The following CLVS1 variants were observed in gnomAD, a reference collection of about 807,000 sequenced individuals.
The protein encoded by CLVS1 is clavesin-1.
In CLVS1, 10 loss-of-function variants were observed where a neutral mutation model predicts 33.1. The ratio of observed to expected loss-of-function variants is 0.30; its 90% CI spans 0.19 to 0.51. The LOEUF (loss-of-function observed/expected upper bound fraction) is 0.51, where lower values mean the gene tolerates loss of function less well. Among genes scored for constraint, CLVS1 ranks in the 20% least tolerant of loss-of-function variants. The pLI, the probability that CLVS1 is intolerant of heterozygous loss-of-function variation, is 0.97. For synonymous variants in CLVS1, 163 were observed against 166.1 expected (o/e 0.98, Z 0.14); for missense variants, 343 against 433.4 (o/e 0.79, Z 1.85).
chr8:61,036,146 A>G, the CLVS1 span, among the ~76,000 whole-genome samples: 1 of 152,240 alleles, frequency 6.6e-6, no homozygotes, highest in Non-Finnish European at 1.5e-5. Context: ...CTTTAAATGT[A>G]AAGGAGACAG....
At chr8:61,270,074 G>A (rs1157741741) in intron 2 of CLVS1, among the ~76,000 whole-genome samples, 1 of 152,124 alleles carries the variant, frequency 6.6e-6, no homozygotes, top group Non-Finnish European at 1.5e-5. Context: ...GTGAGAGAGG[G>A]CATCCCTCTC....
chr8:61,295,821 TA>T (rs1171899370), intron 1 of CLVS1, among the ~76,000 whole-genome samples: 3 of 152,092 alleles, frequency 2.0e-5, no homozygotes, highest in Non-Finnish European at 4.4e-5. Flanking sequence ...AGGACAATAA[TA>T]TACTCATTTC....
chr8:61,033,436 TC>T, the CLVS1 span, among the ~76,000 whole-genome samples: 8 of 144,504 alleles, frequency 5.5e-5, no homozygotes, highest in South Asian at 4.5e-4. Flanking sequence ...TCCGCTGTCA[TC>T]CCATTATCCA....
At chr8:61,167,664 A>G (rs1397647075) in intron 2 of CLVS1, among the ~76,000 whole-genome samples, 1 of 152,186 alleles carries the variant, frequency 6.6e-6, no homozygotes, top group Non-Finnish European at 1.5e-5. Flanking sequence ...GCAATCCCAG[A>G]TGGTTAAGGT....
At chr8:61,224,198 T>G (rs1467763853) in intron 2 of CLVS1, among the ~76,000 whole-genome samples, 1 of 152,128 alleles carries the variant, frequency 6.6e-6, no homozygotes, top group African/African-American at 2.4e-5. Context: ...TCCGTCCAGT[T>G]CTGCCCCCTT....
chr8:61,483,162 T>C (rs1398054115), intron 5 of CLVS1, among the ~76,000 whole-genome samples: 3 of 152,158 alleles, frequency 2.0e-5, no homozygotes, highest in Non-Finnish European at 4.4e-5. Flanking sequence ...AGCTGGTTTT[T>C]TGAAAAGATC....
At chr8:61,412,602 G>A (rs10104196) in intron 3 of CLVS1, among the ~76,000 whole-genome samples, 4,746 of 152,318 alleles carry the variant, frequency 0.031, 127 homozygotes, top group African/African-American at 0.068. Flanking sequence ...CAGGTATGCT[G>A]GCAGTGCATC....
chr8:61,128,685 C>T (rs543949446), intron 1 of CLVS1, among the ~76,000 whole-genome samples: 4 of 152,324 alleles, frequency 2.6e-5, no homozygotes, highest in Admixed American at 2.0e-4. Context: ...ACATTCAATA[C>T]GTGAAGGTAC....
At chr8:61,432,643 C>T (rs992251747) in intron 3 of CLVS1, among the ~76,000 whole-genome samples, 1 of 152,216 alleles carries the variant, frequency 6.6e-6, no homozygotes, top group East Asian at 1.9e-4. Flanking sequence ...TTTAAACCAT[C>T]GAGTCTGTGG....
intron 3 of CLVS1, among the ~76,000 whole-genome samples, chr8:61,452,101 A>G (rs966356535): frequency 6.6e-6 from 1 of 152,206 alleles, no homozygotes; most frequent in Non-Finnish European, 1.5e-5. Context: ...TCAACCAGGG[A>G]TAATATAGAG....
At chr8:61,304,305 C>G (rs1395883317) in intron 2 of CLVS1, among the ~76,000 whole-genome samples, 1 of 152,258 alleles carries the variant, frequency 6.6e-6, no homozygotes, top group Non-Finnish European at 1.5e-5. Flanking sequence ...AGGGCTCATG[C>G]CAGTCTCTGC....
the CLVS1 span, among the ~76,000 whole-genome samples, chr8:61,034,232 C>CATTT: frequency 8.5e-5 from 13 of 152,054 alleles, no homozygotes; most frequent in South Asian, 4.1e-4. Flanking sequence ...TATTTCATTT[C>CATTT]ATTTATTTAT....
At chr8:61,229,856 A>G (rs1454177978) in intron 2 of CLVS1, among the ~76,000 whole-genome samples, 3 of 152,102 alleles carry the variant, frequency 2.0e-5, no homozygotes, top group Non-Finnish European at 4.4e-5. Context: ...CAAACTCCTG[A>G]CCTCAAGTGA....
At chr8:60,983,527 G>C in the CLVS1 span, among the ~76,000 whole-genome samples, 1 of 152,140 alleles carries the variant, frequency 6.6e-6, no homozygotes, top group Admixed American at 6.5e-5. Context: ...ATGATCATCT[G>C]TCCTAGACAC....
intron 1 of CLVS1, among the ~76,000 whole-genome samples, chr8:61,101,062 A>T (rs1474890557): frequency 4.6e-5 from 7 of 152,188 alleles, no homozygotes; most frequent in African/African-American, 1.7e-4. Context: ...TTATGTACAA[A>T]TGTTTCATCG....
intron 2 of CLVS1, among the ~76,000 whole-genome samples, chr8:61,360,079 C>A (rs577121861): frequency 1.3e-5 from 2 of 152,214 alleles, no homozygotes; most frequent in Admixed American, 6.5e-5. Context: ...TGGGAAAGGG[C>A]AGACTTGAGT....
intron 2 of CLVS1, among the ~76,000 whole-genome samples, chr8:61,302,990 C>A (rs934182970): frequency 3.9e-5 from 6 of 152,294 alleles, no homozygotes; most frequent in Middle Eastern, 6.8e-3. Context: ...TTAGAAACCA[C>A]CCCCTTGATC....
At chr8:61,067,121 T>TTCTCC (rs1804697580) in intron 1 of CLVS1, among the ~76,000 whole-genome samples, 1 of 152,256 alleles carries the variant, frequency 6.6e-6, no homozygotes, top group African/African-American at 2.4e-5. Context: ...ATGAAATAAT[T>TTCTCC]TCTCCTACAC....
chr8:60,967,243 G>A, the CLVS1 span, among the ~76,000 whole-genome samples: 1 of 151,968 alleles, frequency 6.6e-6, no homozygotes, highest in Non-Finnish European at 1.5e-5. Context: ...CATGCAGATT[G>A]GAACTTACAT....
Sources: gnomAD v4.1 joint callset for allele counts (sites outside exome capture counted in the v4.1 genomes callset) on GRCh38, gnomAD v4.1.1 for gene constraint, MANE v1.5 for transcripts, NCBI Gene and HGNC (gene_info 2026-07-23, HGNC 2026-07-21) for gene names.